Variants in CNTFR observed in about 807,000 individuals in gnomAD.
CNTFR encodes the protein ciliary neurotrophic factor receptor, also known as ciliary neurotrophic factor receptor subunit alpha.
Under a neutral mutation model 40.4 loss-of-function variants are expected in CNTFR, and 12 were observed. That is an observed-to-expected ratio of 0.30 (90% CI 0.19 to 0.48). The LOEUF is 0.48. CNTFR is among the 20% of genes least tolerant of loss of function. The pLI, the probability that CNTFR is intolerant of heterozygous loss-of-function variation, is 0.99. For synonymous variants in CNTFR, 202 were observed against 209.6 expected, an observed-to-expected ratio of 0.96 and a Z score of 0.31; for missense variants, 414 against 506.8, an observed-to-expected ratio of 0.82 and a Z score of 1.76.
At chr9:34,584,052 G>C (rs1478337594) in intron 1 of CNTFR, among the ~76,000 whole-genome samples, 2 of 152,204 alleles carry the variant, frequency 1.3e-5, no homozygotes, top group Non-Finnish European at 2.9e-5. Context: ...CTCTGAAGAG[G>C]TAAGGAGGAG....
At chr9:34,569,015 G>A (rs745433423) in intron 2 of CNTFR, 34 bp from the exon 3 acceptor site, 2 of 1,537,384 alleles carry the variant, frequency 1.3e-6, no homozygotes. Context: ...GGAGGGGTCA[G>A]CATCAGCCCA....
At chr9:34,559,864 G>C (rs967254727) in intron 4 of CNTFR, among the ~76,000 whole-genome samples, 6 of 152,080 alleles carry the variant, frequency 3.9e-5, no homozygotes, top group African/African-American at 1.4e-4. Flanking sequence ...CCCCACCCCT[G>C]GCCAGCCTCC....
chr9:34,552,682 T>C lies in CNTFR; in HGVS notation c.941A>G (p.Gln314Arg). The C allele has an allele frequency of 6.2e-7, 1 of 1,613,110 alleles. No homozygotes were observed. Among genetic ancestry groups the C allele is most frequent in the Non-Finnish European group, 8.5e-7 (1 of 1,179,888 alleles). The change falls in exon 8 of 10, where the codon CAG (glutamine) becomes CGG (arginine). Residue 314 changes from glutamine (Q) to arginine (R), a missense_variant. By Grantham distance (43) the Gln-to-Arg change is conservative. This residue lies in a region of CNTFR where 81 missense variants were observed against 92.2 expected (regional missense o/e 0.88). Transcript: ENST00000378980. The surrounding 1 kb of genome is among the most constrained non-coding windows in gnomAD (Gnocchi z 5.1). ...GGCGGGAGCAAGCTCACCCGCAGCC[T>C]GGGCCTCCGTGGTGAGGTGTCGCGG... ...EEPRHLTTEAQAAETTTSTTS... is the reference protein window; with the variant it reads ...EEPRHLTTEARAAETTTSTTS...
chr9:34,586,331 T>C (rs866765276), intron 1 of CNTFR, among the ~76,000 whole-genome samples: 1 of 152,118 alleles, frequency 6.6e-6, no homozygotes, highest in Admixed American at 6.5e-5. Context: ...ACATGGTCCC[T>C]ACCCCTCCCC....
intron 7 of CNTFR, among the ~76,000 whole-genome samples, chr9:34,553,457 C>T (rs912960154): frequency 6.6e-6 from 1 of 152,230 alleles, no homozygotes; most frequent in Non-Finnish European, 1.5e-5. Flanking sequence ...AGGACCAAGG[C>T]ATGAGGACAG....
intron 3 of CNTFR, 152 bp downstream of exon 3, chr9:34,568,745 T>A: frequency 1.5e-6 from 1 of 683,534 alleles, no homozygotes; most frequent in Non-Finnish European, 2.6e-6. Context: ...ACTGTGCATA[T>A]CAGTGTCACA....
chr9:34,577,450 A>C (rs1827034012), intron 2 of CNTFR, among the ~76,000 whole-genome samples: 1 of 152,212 alleles, frequency 6.6e-6, no homozygotes, highest in Non-Finnish European at 1.5e-5. Flanking sequence ...CAGGGCCCCA[A>C]AGAAGGTAGG....
Position 34,551,936 on chromosome 9 carries a change from C to G in CNTFR, c.*135G>C, listed in dbSNP as rs528270504. ...GCGGCAGGCCCGGGCCCGCCGGGGT[C>G]TCCACAAATTGTGTCTGAAGAGAAT... is the stretch of plus-strand genomic sequence containing the variant. On this transcript the variant is annotated 3_prime_UTR_variant, in exon 10 of 10. Coordinates refer to ENST00000378980, the MANE Select transcript of CNTFR (RefSeq NM_147164.3). 1.4e-6 allele frequency: 1 copy of G among 728,590 alleles called. No individual in the cohort carries two copies. The highest frequency in any genetic ancestry group is 2.7e-5 in the East Asian group (1 of 37,310). The allele number at this position is 728,590 out of a possible 1,614,324, so 45.1% of individuals were successfully genotyped here.
chr9:34,561,545 G>A (rs1826075959), intron 4 of CNTFR, among the ~76,000 whole-genome samples: 1 of 152,362 alleles, frequency 6.6e-6, no homozygotes, highest in South Asian at 2.1e-4. Flanking sequence ...GGATCCACTT[G>A]AGAGCAAGAA....
At chr9:34,573,326 C>T (rs1473168143) in intron 2 of CNTFR, among the ~76,000 whole-genome samples, 2 of 152,172 alleles carry the variant, frequency 1.3e-5, no homozygotes, top group Non-Finnish European at 2.9e-5. Context: ...ATAATGAGCA[C>T]CACTAACTGC....
At chr9:34,565,890 C>T (rs1214480830) in intron 3 of CNTFR, among the ~76,000 whole-genome samples, 1 of 151,382 alleles carries the variant, frequency 6.6e-6, no homozygotes, top group Non-Finnish European at 1.5e-5. Flanking sequence ...CAGGTCTTGG[C>T]CAGATCTGCG....
intron 2 of CNTFR, among the ~76,000 whole-genome samples, chr9:34,573,318 A>G (rs1308523605): frequency 6.6e-6 from 1 of 152,142 alleles, no homozygotes; most frequent in Non-Finnish European, 1.5e-5. Flanking sequence ...GGTGGGGGAT[A>G]ATGAGCACCA....
rs1399990439 is a variant in CNTFR at position 34,551,745 on chromosome 9, G to A, written c.*326C>T. ...GCTGGGGCAGGAGGAGAAATCGGAT[G>A]TGAGAGGCTCCCCTCACGTCCCCCA... On this transcript the variant is annotated 3_prime_UTR_variant, in exon 10 of 10. Coordinates refer to ENST00000378980, the MANE Select transcript of CNTFR (RefSeq NM_147164.3). The A allele has an allele frequency of 7.4e-6, 4 of 542,778 alleles. No individual in the cohort carries two copies. Among genetic ancestry groups the A allele is most frequent in the Middle Eastern group, 5.0e-4 (1 of 1,990 alleles). 33.6% of individuals were successfully genotyped at this position (542,778 alleles called of 1,614,324 possible).
chr9:34,565,927 A>AG (rs908720474), intron 3 of CNTFR, among the ~76,000 whole-genome samples: 5 of 133,940 alleles, frequency 3.7e-5, no homozygotes, highest in Non-Finnish European at 8.1e-5. Context: ...GGAGAAGGGA[A>AG]GGGGGAGAGG....
At chr9:34,567,305 G>C (rs1826352257) in intron 3 of CNTFR, among the ~76,000 whole-genome samples, 1 of 152,160 alleles carries the variant, frequency 6.6e-6, no homozygotes, top group South Asian at 2.1e-4. Flanking sequence ...AACACAGAGG[G>C]ACAGAGCTGA....
intron 1 of CNTFR, among the ~76,000 whole-genome samples, chr9:34,588,746 A>C (rs1266074712): frequency 6.6e-6 from 1 of 152,126 alleles, no homozygotes; most frequent in African/African-American, 2.4e-5. Context: ...GCTGGAGGAG[A>C]GGCTCGGGAG....
At position 34,557,741 on chromosome 9, in the gene CNTFR, T is replaced by C; in HGVS notation, c.438-49A>G. ...ACTGTTACGAACATCAAGGGTCAGG[T>C]GGGGCAGAGGTTGAGGAAAGGTCAA... is the stretch of plus-strand genomic sequence containing the variant. On this transcript the variant is annotated intron_variant, in intron 5 of 9. Transcript: ENST00000378980. The surrounding 1 kb of genome is among the most constrained non-coding windows in gnomAD (Gnocchi z 4.2). The C allele has an allele frequency of 6.2e-7, 1 of 1,609,720 alleles. No individual in the cohort carries two copies.
chr9:34,587,281 C>T (rs1587183858), intron 1 of CNTFR, among the ~76,000 whole-genome samples: 1 of 152,228 alleles, frequency 6.6e-6, no homozygotes, highest in Middle Eastern at 3.4e-3. Flanking sequence ...GCTAAGGTGG[C>T]TTATATGGAG....
Position 34,557,759 on chromosome 9 carries a change from A to C in CNTFR, c.438-67T>G. On this transcript the variant is annotated intron_variant, in intron 5 of 9. Coordinates refer to ENST00000378980, the MANE Select transcript of CNTFR (RefSeq NM_147164.3). This position sits in a 1 kb window ranked among gnomAD's most constrained non-coding sequence, Gnocchi z 4.2. ...GGTCAGGTGGGGCAGAGGTTGAGGA[A>C]AGGTCAAGCCCAAGGCAGGGCTGGG... The C allele has an allele frequency of 6.2e-7, 1 of 1,600,724 alleles. No individual in the cohort carries two copies. Among genetic ancestry groups the C allele is most frequent in the Non-Finnish European group, 8.6e-7 (1 of 1,169,084 alleles).
Sources: gnomAD v4.1 joint callset for allele counts (sites outside exome capture counted in the v4.1 genomes callset) on GRCh38, gnomAD v4.1.1 for gene constraint, gnomAD v4.1.1 regional missense constraint, Gnocchi (gnomAD v3.1) non-coding constraint, MANE v1.5 for transcripts, NCBI Gene and HGNC (gene_info 2026-07-23, HGNC 2026-07-21) for gene names.